The following ZC3H18 variants were observed in gnomAD, a reference collection of about 807,000 sequenced individuals.
ZC3H18 encodes zinc finger CCCH-type containing 18.
In ZC3H18, 8 loss-of-function variants were observed where a neutral mutation model predicts 106.1. The observed-to-expected ratio is 0.08, with a 90% CI of 0.04 to 0.14. ZC3H18 has a LOEUF of 0.14. Ranked by LOEUF, ZC3H18 falls within the 10% of genes least tolerant of loss-of-function variation. The pLI is 1.00. For missense variants in ZC3H18, 1,318 were observed against 1,278.4 expected (o/e 1.03, Z -0.47); for synonymous variants, 635 against 522.1 (o/e 1.22, Z -2.95).
intron 6 of ZC3H18, chr16:88,608,727 T>C (rs2142735816): frequency 2.7e-6 from 1 of 370,008 alleles, no homozygotes; most frequent in East Asian, 4.2e-5. Context: ...TAGACATTTT[T>C]ATCATCTGTG....
chr16:88,619,877 G>A (rs908752472), intron 8 of ZC3H18, among the ~76,000 whole-genome samples: 3 of 152,218 alleles, frequency 2.0e-5, no homozygotes, highest in South Asian at 4.1e-4. Flanking sequence ...TAGGATGAGA[G>A]TTATACAGGA....
intron 1 of ZC3H18, chr16:88,571,608 T>G: frequency 1.0e-6 from 1 of 985,360 alleles, no homozygotes; most frequent in Non-Finnish European, 1.2e-6. Flanking sequence ...TCCTCTCCCG[T>G]TGTAGGTGGG....
At chr16:88,611,625 G>C in intron 8 of ZC3H18, 89 bp downstream of exon 8, 1 of 1,480,578 alleles carries the variant, frequency 6.8e-7, no homozygotes, top group Non-Finnish European at 9.0e-7. Flanking sequence ...CTTCCCCTCT[G>C]TGGCCCACAG....
At chr16:88,609,139 TTTA>T in intron 7 of ZC3H18, 88 bp downstream of exon 7, 1 of 1,095,632 alleles carries the variant, frequency 9.1e-7, no homozygotes. Context: ...AATACAGGGC[TTTA>T]TATGAGCTTA....
Position 88,598,343 on chromosome 16 carries a change from C to G in ZC3H18, c.837+17C>G, listed in dbSNP as rs763921293. 6.3e-7 allele frequency: 1 copy of G among 1,589,268 alleles called. No individual in the cohort carries two copies. The highest frequency in any genetic ancestry group is 1.1e-5 in the South Asian group (1 of 88,100). On this transcript the variant is annotated intron_variant, in intron 4 of 17. Transcript: ENST00000301011. ...AACCCTTGGGTGCGTGATGCCTCTTCTTTCATTGTTAGCACATCAGCCAAC... is the reference window on the plus strand; with the variant it reads ...AACCCTTGGGTGCGTGATGCCTCTTGTTTCATTGTTAGCACATCAGCCAAC...
intron 4 of ZC3H18, 108 bp from the exon 5 acceptor site, chr16:88,598,512 C>G: frequency 7.1e-7 from 1 of 1,408,202 alleles, no homozygotes; most frequent in Non-Finnish European, 9.8e-7. Context: ...GGAAGGAGAG[C>G]GGCCACACAC....
At chr16:88,598,411 C>T in intron 4 of ZC3H18, 85 bp downstream of exon 4, 1 of 1,528,294 alleles carries the variant, frequency 6.5e-7, no homozygotes, top group Non-Finnish European at 8.8e-7. Context: ...GTCACTGTGC[C>T]TTAGCACAGG....
intron 2 of ZC3H18, among the ~76,000 whole-genome samples, chr16:88,579,861 C>T (rs1005762634): frequency 6.6e-6 from 1 of 152,188 alleles, no homozygotes; most frequent in Non-Finnish European, 1.5e-5. Context: ...ACAGGTGGAC[C>T]TTGCTGTGCC....
chr16:88,609,124 TAAA>T, intron 7 of ZC3H18, 73 bp downstream of exon 7: 1 of 1,240,146 alleles, frequency 8.1e-7, no homozygotes. Flanking sequence ...TTATTTACAG[TAAA>T]AAATACAGGG....
At chr16:88,572,075 T>G (rs867501993) in intron 1 of ZC3H18, among the ~76,000 whole-genome samples, 2 of 152,374 alleles carry the variant, frequency 1.3e-5, no homozygotes, top group African/African-American at 4.8e-5. Context: ...CTTACGTGGT[T>G]GGTAGCTCAC....
chr16:88,612,765 G>T (rs760489581), intron 8 of ZC3H18, among the ~76,000 whole-genome samples: 3 of 152,056 alleles, frequency 2.0e-5, no homozygotes, highest in African/African-American at 7.3e-5. Flanking sequence ...ACTTTGGGCG[G>T]CCGGGATGGA....
intron 5 of ZC3H18, among the ~76,000 whole-genome samples, chr16:88,599,020 G>A (rs910707038): frequency 5.9e-5 from 9 of 152,156 alleles, no homozygotes; most frequent in Admixed American, 2.0e-4. Flanking sequence ...CACCAGGCCC[G>A]GAAGGATGGA....
chr16:88,630,600 G>T lies in ZC3H18; in HGVS notation c.2663+19G>T, dbSNP rs774392657. On this transcript the variant is annotated intron_variant, in intron 17 of 17. Transcript: ENST00000301011. ...CTGACAGGTGAGTCCCACCCAGCATGTGCCCTGGGCACACCGAGGGGGCCA... is the reference window on the plus strand; with the variant it reads ...CTGACAGGTGAGTCCCACCCAGCATTTGCCCTGGGCACACCGAGGGGGCCA... The T allele has an allele frequency of 6.3e-7, 1 of 1,588,366 alleles. No individual in the cohort carries two copies. The highest frequency in any genetic ancestry group is 2.3e-5 in the East Asian group (1 of 44,276).
chr16:88,628,940 T>A, intron 16 of ZC3H18, 86 bp downstream of exon 16: 2 of 1,362,510 alleles, frequency 1.5e-6, no homozygotes, highest in Non-Finnish European at 2.1e-6. Flanking sequence ...CCATTGCTCT[T>A]AACAAGTAGG....
At chr16:88,595,723 C>G (rs1314623213) in intron 3 of ZC3H18, among the ~76,000 whole-genome samples, 1 of 150,874 alleles carries the variant, frequency 6.6e-6, no homozygotes, top group Non-Finnish European at 1.5e-5. Flanking sequence ...AGGAGAGTTG[C>G]TTGAACTGTG....
At chr16:88,617,911 C>G (rs1397133767) in intron 8 of ZC3H18, among the ~76,000 whole-genome samples, 1 of 152,276 alleles carries the variant, frequency 6.6e-6, no homozygotes, top group African/African-American at 2.4e-5. Context: ...CTCAAGATCT[C>G]TGCTGGGAGT....
rs562974353 is a variant in ZC3H18, at chr16:88,591,574, A to C, written c.688+4890A>C. Among the ~76,000 whole-genome samples, 17 of 146,758 alleles carry C rather than the reference A, an allele frequency of 1.2e-4. No individual in the cohort carries two copies. The South Asian group carries it at 3.2e-3, about 27-fold the overall frequency. On this transcript the variant is annotated intron_variant, in intron 3 of 17. Transcript: ENST00000301011. ...GCAACAGAACGAGACTCCGTCTCCAAAAAAAAAAAAAAAGATTGACCAATA... is the reference window on the plus strand; with the variant it reads ...GCAACAGAACGAGACTCCGTCTCCACAAAAAAAAAAAAAGATTGACCAATA...
Position 88,624,582 on chromosome 16 carries a change from C to T in ZC3H18, c.1899-20C>T, listed in dbSNP as rs758770994. 10 of 1,613,474 alleles carry T rather than the reference C, an allele frequency of 6.2e-6. No individual in the cohort carries two copies. Among genetic ancestry groups the T allele is most frequent in the Admixed American group, 1.7e-5 (1 of 59,984 alleles). On this transcript the variant is annotated intron_variant, in intron 11 of 17. Transcript: ENST00000301011. ...CCCCGTCCACCAGCCCTGCCCTGCT[C>T]GAGCCTCCCTGTCTCACAGAGAGAA...
intron 6 of ZC3H18, among the ~76,000 whole-genome samples, chr16:88,602,721 C>A (rs1447071302): frequency 6.6e-6 from 1 of 152,190 alleles, no homozygotes; most frequent in Non-Finnish European, 1.5e-5. Flanking sequence ...CTATGTTGCT[C>A]AGGCTGGTCT....
Sources: allele counts gnomAD v4.1 joint callset (sites outside exome capture counted in the v4.1 genomes callset), GRCh38; gene constraint gnomAD v4.1.1; transcripts MANE v1.5; gene names NCBI Gene and HGNC (gene_info 2026-07-23, HGNC 2026-07-21).